The following HSF2BP variants were observed in gnomAD, a reference collection of about 807,000 sequenced individuals.
HSF2BP encodes the protein heat shock transcription factor 2 binding protein, also known as heat shock factor 2-binding protein.
In HSF2BP, 35 loss-of-function variants were observed where a neutral mutation model predicts 35.0. That is an observed-to-expected ratio of 1.00 (90% confidence interval 0.76 to 1.32). HSF2BP has a LOEUF of 1.32. Ranked by LOEUF, HSF2BP falls within the 40% of genes most tolerant of loss-of-function variation. HSF2BP has a pLI of 0.00. For synonymous variants in HSF2BP, 114 were observed against 117.4 expected, an observed-to-expected ratio of 0.97 and a Z score of 0.18; for missense variants, 326 against 321.7, an observed-to-expected ratio of 1.01 and a Z score of -0.10.
chr21:43,636,593 A>G (rs1051947495), intron 4 of HSF2BP, among the ~76,000 whole-genome samples: 1 of 152,218 alleles, frequency 6.6e-6, no homozygotes, highest in African/African-American at 2.4e-5. Flanking sequence ...TTGAAGAGAT[A>G]TTTAACCAAA....
chr21:43,592,220 C>A lies in HSF2BP; in HGVS notation c.796+5G>T, dbSNP rs767680811. ...AGCAGCTGGACAGATAACCACCCCCCTTACCACTCAAAAGCCACCACAGCA... is the reference window on the plus strand; with the variant it reads ...AGCAGCTGGACAGATAACCACCCCCATTACCACTCAAAAGCCACCACAGCA... On this transcript the variant is annotated splice_donor_5th_base_variant and intron_variant, in intron 8 of 8. Transcript: ENST00000291560. The A allele has an allele frequency of 8.1e-6, 13 of 1,601,500 alleles. No individual in the cohort carries two copies. The highest frequency in any genetic ancestry group is 7.7e-6 in the Non-Finnish European group (9 of 1,168,560).
Position 43,597,941 on chromosome 21 carries a change from T to C in HSF2BP, c.693-5613A>G, listed in dbSNP as rs1015884861. On this transcript the variant is annotated intron_variant, in intron 7 of 8. Coordinates refer to ENST00000291560, the MANE Select transcript of HSF2BP (RefSeq NM_007031.2). This position sits in a 1 kb window ranked among gnomAD's most constrained non-coding sequence, Gnocchi z 4.3. Reference sequence around the variant, plus strand: ...AATATACTATGGTACATGTAACACATGCATGCCATAGAAAATTTCTATTGT... The same window carrying C: ...AATATACTATGGTACATGTAACACACGCATGCCATAGAAAATTTCTATTGT... Among the ~76,000 whole-genome samples, 1 of 152,240 alleles carries C rather than the reference T, an allele frequency of 6.6e-6. No individual in the cohort carries two copies. The highest frequency in any genetic ancestry group is 2.4e-5 in the African/African-American group (1 of 41,460).
chr21:43,636,255 AAAGAAAAGAAAAG>A (rs1322214205), intron 4 of HSF2BP, among the ~76,000 whole-genome samples: 1 of 126,208 alleles, frequency 7.9e-6, no homozygotes, highest in Non-Finnish European at 1.7e-5. Context: ...AAAGAAAAGA[AAAGAAAAGAAAAG>A]AAAAAACGAA....
rs1031702720 is a variant in HSF2BP, at chr21:43,623,533, G to A, written c.574+6789C>T. ...CCTCGAGAGCCTCAAGGTTATCTCC[G>A]TAGTCCAACAAGTGTCCATGCCCAG... On this transcript the variant is annotated intron_variant, in intron 6 of 8. Transcript: ENST00000291560. Among the ~76,000 whole-genome samples the A allele has an allele frequency of 1.2e-4, 19 of 152,060 alleles. 1 individual carries two copies. The highest frequency in any genetic ancestry group is 8.5e-4 in the Admixed American group (13 of 15,250).
chr21:43,656,900 A>C (rs1438633554), intron 2 of HSF2BP, among the ~76,000 whole-genome samples, 163 bp from the exon 3 acceptor site: 1 of 152,236 alleles, frequency 6.6e-6, no homozygotes, highest in Non-Finnish European at 1.5e-5. Flanking sequence ...ATGTACATAC[A>C]AACATTTTGA....
chr21:43,584,259 T>A (rs939442218), intron 8 of HSF2BP, among the ~76,000 whole-genome samples: 1 of 152,066 alleles, frequency 6.6e-6, no homozygotes, highest in Admixed American at 6.5e-5. Context: ...AGTCCCAATA[T>A]CTGCAGTCCA....
At chr21:43,634,782 T>G (rs976370442) in intron 4 of HSF2BP, among the ~76,000 whole-genome samples, 1 of 152,218 alleles carries the variant, frequency 6.6e-6, no homozygotes, top group Non-Finnish European at 1.5e-5. Context: ...GTTTTTAATG[T>G]CTTCATTATA....
intron 8 of HSF2BP, among the ~76,000 whole-genome samples, chr21:43,584,397 C>G (rs1344970931): frequency 1.3e-5 from 2 of 152,304 alleles, no homozygotes; most frequent in East Asian, 3.9e-4. Context: ...CTCAAACAGT[C>G]AAGGCAGAGA....
At chr21:43,656,764 A>G (rs1174576751) in intron 2 of HSF2BP, 27 bp from the exon 3 acceptor site, 3 of 1,590,278 alleles carry the variant, frequency 1.9e-6, no homozygotes, top group Middle Eastern at 3.4e-4. Context: ...ATCTTATTAT[A>G]TTTCTCTTCA....
intron 6 of HSF2BP, among the ~76,000 whole-genome samples, chr21:43,619,693 C>T (rs953740269): frequency 2.0e-5 from 3 of 152,230 alleles, no homozygotes; most frequent in Admixed American, 6.5e-5. Context: ...GGTTCCCTGG[C>T]AGAAGACCTG....
chr21:43,617,533 C>T lies in HSF2BP; in HGVS notation c.575-3586G>A, dbSNP rs576627908. 2.7e-5 allele frequency among the ~76,000 whole-genome samples: 4 copies of T among 150,736 alleles called. No individual in the cohort carries two copies. The East Asian group carries it at 7.8e-4, about 29-fold the overall frequency. ...GTCAATTCAAGGCCTACAGAATTGA[C>T]TTTGTTACCATCTACCAAAACTAAA... On this transcript the variant is annotated intron_variant, in intron 6 of 8. Coordinates refer to ENST00000291560, the MANE Select transcript of HSF2BP (RefSeq NM_007031.2).
intron 7 of HSF2BP, among the ~76,000 whole-genome samples, chr21:43,611,545 C>G (rs868854017): frequency 1.3e-5 from 2 of 152,192 alleles, no homozygotes; most frequent in Non-Finnish European, 1.5e-5. Flanking sequence ...TTTAGTGTCC[C>G]TGGCCTGGAC....
intron 8 of HSF2BP, among the ~76,000 whole-genome samples, chr21:43,574,581 T>C (rs887548995): frequency 4.2e-4 from 64 of 152,124 alleles, no homozygotes; most frequent in African/African-American, 1.4e-3. Context: ...ATGGTCTCGA[T>C]CTCCTGACCT....
At chr21:43,587,020 ATC>A (rs1214938398) in intron 8 of HSF2BP, among the ~76,000 whole-genome samples, 2 of 152,198 alleles carry the variant, frequency 1.3e-5, no homozygotes, top group Non-Finnish European at 2.9e-5. Flanking sequence ...TTTTCAAATT[ATC>A]TCTTAGTCCT....
At chr21:43,643,967 GA>G (rs570531057) in intron 4 of HSF2BP, among the ~76,000 whole-genome samples, 121 of 143,392 alleles carry the variant, frequency 8.4e-4, no homozygotes, top group East Asian at 1.6e-3. Flanking sequence ...AAAAAAAAAG[GA>G]AAAAAAAAAT....
At position 43,597,513 on chromosome 21, in the gene HSF2BP, CTTTAA is replaced by C. The variant is rs1184732981; in HGVS notation, c.693-5190_693-5186del. Among the ~76,000 whole-genome samples the C allele has an allele frequency of 2.0e-5, 3 of 151,994 alleles. No individual in the cohort carries two copies. The highest frequency in any genetic ancestry group is 6.5e-5 in the Admixed American group (1 of 15,274). On this transcript the variant is annotated intron_variant, in intron 7 of 8. Transcript: ENST00000291560. The surrounding 1 kb of genome is among the most constrained non-coding windows in gnomAD (Gnocchi z 4.3). ...ATTAAAAATGCCCTAATAAGCAAAA[CTTTAA>C]TTTTTTACTTTTTTTTCCTAGAGCT...
chr21:43,627,246 C>G (rs2082401849), intron 6 of HSF2BP, among the ~76,000 whole-genome samples: 1 of 152,148 alleles, frequency 6.6e-6, no homozygotes, highest in African/African-American at 2.4e-5. Context: ...TATCATAACT[C>G]TCAGGGAAAG....
At chr21:43,649,900 T>C (rs1318253579) in intron 3 of HSF2BP, among the ~76,000 whole-genome samples, 1 of 152,262 alleles carries the variant, frequency 6.6e-6, no homozygotes, top group Non-Finnish European at 1.5e-5. Flanking sequence ...TCAAGCTTCA[T>C]ATCAGTTTAA....
intron 8 of HSF2BP, among the ~76,000 whole-genome samples, chr21:43,581,211 C>G (rs921371198): frequency 3.3e-5 from 5 of 152,038 alleles, no homozygotes; most frequent in African/African-American, 9.7e-5. Context: ...ACGGTGAAAC[C>G]CTGTCTCTAC....
Sources: gnomAD v4.1 joint callset for allele counts (sites outside exome capture counted in the v4.1 genomes callset) on GRCh38, gnomAD v4.1.1 for gene constraint, Gnocchi (gnomAD v3.1) non-coding constraint, MANE v1.5 for transcripts, NCBI Gene and HGNC (gene_info 2026-07-23, HGNC 2026-07-21) for gene names.